The following PLD5 variants were observed in gnomAD, a reference collection of about 807,000 sequenced individuals.
The protein encoded by PLD5 is phospholipase D family member 5.
Under a neutral mutation model 61.1 loss-of-function variants are expected in PLD5, and 36 were observed. That is an observed-to-expected ratio of 0.59 (90% CI 0.45 to 0.78). The LOEUF (loss-of-function observed/expected upper bound fraction) is 0.78, where lower values mean the gene tolerates loss of function less well. Ranked by LOEUF, PLD5 falls within the 30% of genes least tolerant of loss-of-function variation. The probability of loss-of-function intolerance (pLI) is 0.00; values close to 1 mark genes in which losing one functional copy is unlikely to be tolerated. For missense variants in PLD5, 515 were observed against 644.4 expected, an observed-to-expected ratio of 0.80 and a Z score of 2.17; for synonymous variants, 243 against 242.8, an observed-to-expected ratio of 1.00 and a Z score of -0.01.
At chr1:242,449,385 G>A (rs1223595378) in intron 1 of PLD5, 2 of 1,536,086 alleles carry the variant, frequency 1.3e-6, no homozygotes, top group Non-Finnish European at 8.7e-7. Flanking sequence ...CCTCCCTGCG[G>A]AGTCCAGCAG....
intron 1 of PLD5, among the ~76,000 whole-genome samples, chr1:242,384,196 G>T (rs1662465457): frequency 6.6e-6 from 1 of 152,168 alleles, no homozygotes; most frequent in African/African-American, 2.4e-5. Context: ...ATAACCAGAT[G>T]ATTTTCCTGG....
intron 1 of PLD5, among the ~76,000 whole-genome samples, chr1:242,431,801 ACT>A (rs1278795477): frequency 1.3e-5 from 2 of 152,156 alleles, no homozygotes; most frequent in East Asian, 1.9e-4. Context: ...TGTCCTAAGT[ACT>A]CTGTTTTTAC....
chr1:242,260,545 CT>C (rs911334464), intron 4 of PLD5, among the ~76,000 whole-genome samples: 7 of 152,232 alleles, frequency 4.6e-5, no homozygotes, highest in Admixed American at 3.3e-4. Context: ...TTACACTCCA[CT>C]TTCAGCTTTT....
At chr1:242,316,131 A>G (rs1219392299) in intron 2 of PLD5, among the ~76,000 whole-genome samples, 1 of 152,260 alleles carries the variant, frequency 6.6e-6, no homozygotes, top group Non-Finnish European at 1.5e-5. Context: ...CAATAAATGT[A>G]AAGTGCTTAA....
At chr1:242,315,550 A>G (rs1676957344) in intron 2 of PLD5, among the ~76,000 whole-genome samples, 1 of 152,176 alleles carries the variant, frequency 6.6e-6, no homozygotes, top group South Asian at 2.1e-4. Flanking sequence ...AGGATTCAAT[A>G]TTTATATTAT....
chr1:242,390,768 A>ATCCC (rs1360159612), intron 1 of PLD5, among the ~76,000 whole-genome samples: 7 of 152,136 alleles, frequency 4.6e-5, no homozygotes, highest in Non-Finnish European at 8.8e-5. Context: ...GCCTGCAGGA[A>ATCCC]GACTATGTTC....
chr1:242,444,839 C>T (rs12411153), intron 1 of PLD5, among the ~76,000 whole-genome samples: 3,057 of 150,730 alleles, frequency 0.02, 128 homozygotes, highest in East Asian at 0.14. Flanking sequence ...GGCCATAGGA[C>T]TCATCTCATA....
At chr1:242,368,092 A>AAAC (rs750546445) in intron 1 of PLD5, among the ~76,000 whole-genome samples, 40 of 152,210 alleles carry the variant, frequency 2.6e-4, no homozygotes, top group South Asian at 6.2e-4. Flanking sequence ...TGTAAACAGT[A>AAAC]AACAACAACA....
intron 1 of PLD5, among the ~76,000 whole-genome samples, chr1:242,403,948 G>C (rs968034438): frequency 3.3e-5 from 5 of 152,140 alleles, no homozygotes; most frequent in African/African-American, 1.2e-4. Context: ...ACATTCCAGA[G>C]GTGGAATCTA....
chr1:242,474,667 C>A (rs954154731), intron 1 of PLD5, among the ~76,000 whole-genome samples: 6 of 152,176 alleles, frequency 3.9e-5, no homozygotes, highest in Non-Finnish European at 8.8e-5. Context: ...TACATCCTGA[C>A]CTGGCTCCTC....
intron 1 of PLD5, among the ~76,000 whole-genome samples, chr1:242,403,176 AC>A (rs1664036690): frequency 6.6e-6 from 1 of 152,180 alleles, no homozygotes; most frequent in Non-Finnish European, 1.5e-5. Context: ...TCAGATGGTC[AC>A]TTGCCAGGGG....
intron 1 of PLD5, among the ~76,000 whole-genome samples, chr1:242,443,130 A>G (rs1392805029): frequency 6.6e-6 from 1 of 152,226 alleles, no homozygotes; most frequent in African/African-American, 2.4e-5. Context: ...TTAGTTAAAA[A>G]GTGAGATTTA....
intron 3 of PLD5, among the ~76,000 whole-genome samples, chr1:242,284,119 C>CTTTTTTT (rs565165218): frequency 2.1e-4 from 16 of 75,948 alleles, no homozygotes; most frequent in Admixed American, 3.9e-4. Context: ...TTTCTTTTTC[C>CTTTTTTT]TTTTTTTTTT....
At chr1:242,270,550 C>T (rs1464184262) in intron 3 of PLD5, among the ~76,000 whole-genome samples, 1 of 152,174 alleles carries the variant, frequency 6.6e-6, no homozygotes, top group Non-Finnish European at 1.5e-5. Flanking sequence ...GAAAGTTACT[C>T]CCCAGTCTCT....
At chr1:242,201,642 C>T (rs1668994481) in intron 5 of PLD5, among the ~76,000 whole-genome samples, 1 of 152,014 alleles carries the variant, frequency 6.6e-6, no homozygotes, top group African/African-American at 2.4e-5. Context: ...TTACCTCAGC[C>T]TCCTGAATAG....
At position 242,348,156 on chromosome 1, in the gene PLD5, C is replaced by T; in HGVS notation, c.276G>A (p.Met92Ile). 6.2e-7 allele frequency: 1 copy of T among 1,613,894 alleles called. No homozygotes were observed. Among genetic ancestry groups the T allele is most frequent in the South Asian group, 1.1e-5 (1 of 91,068 alleles). The change falls in exon 2 of 10, where the codon ATG (methionine) becomes ATA (isoleucine). Residue 92 changes from methionine (M) to isoleucine (I), a missense_variant. By Grantham distance (10) the Met-to-Ile change is conservative. Around this residue, in one of 2 missense-constraint regions of PLD5, gnomAD observed 450 missense variants for 598.1 expected, o/e 0.75. Coordinates refer to ENST00000536534, the MANE Select transcript of PLD5 (RefSeq NM_001372062.1). The part of the protein sequence containing the change: ...VALIFSAVDI[M>I]GEDEDGLSEK... ...CTGAGAGTCCATCCTCATCCTCTCC[C>T]ATGATGTCCACGGCTGAAAAGATCA...
chr1:242,328,420 CTATA>C (rs548217610), intron 2 of PLD5, among the ~76,000 whole-genome samples: 10 of 151,980 alleles, frequency 6.6e-5, no homozygotes, highest in African/African-American at 9.7e-5. Context: ...TACACGTTTT[CTATA>C]TATGTGTGTT....
chr1:242,331,219 G>A (rs1222898443), intron 2 of PLD5, among the ~76,000 whole-genome samples: 1 of 152,126 alleles, frequency 6.6e-6, no homozygotes, highest in Non-Finnish European at 1.5e-5. Flanking sequence ...TAGAAGAGAC[G>A]ACAGTTTAGC....
intron 1 of PLD5, among the ~76,000 whole-genome samples, chr1:242,356,421 C>A (rs1340312453): frequency 6.6e-6 from 1 of 151,738 alleles, no homozygotes; most frequent in African/African-American, 2.4e-5. Context: ...TGTGGAATAT[C>A]TTTTTCCATC....
Sources: allele counts gnomAD v4.1 joint callset (sites outside exome capture counted in the v4.1 genomes callset), GRCh38; gene constraint gnomAD v4.1.1; regional missense constraint gnomAD v4.1.1; transcripts MANE v1.5; gene names NCBI Gene and HGNC (gene_info 2026-07-23, HGNC 2026-07-21).